The following MID1 variants were observed in gnomAD, a reference collection of about 807,000 sequenced individuals.
MID1 encodes the protein midline 1, also known as E3 ubiquitin-protein ligase Midline-1.
A neutral mutation model predicts 40.4 loss-of-function variants in MID1; 7 were observed. That is an observed-to-expected ratio of 0.17 (90% CI 0.10 to 0.33). The LOEUF (loss-of-function observed/expected upper bound fraction) is 0.33. Ranked by LOEUF, MID1 falls within the 10% of genes least tolerant of loss-of-function variation. MID1 has a pLI of 1.00. For synonymous variants in MID1, 229 were observed against 221.2 expected (o/e 1.04, Z -0.31); for missense variants, 367 against 558.5 (o/e 0.66, Z 3.46).
At chrX:10,583,287 A>G (rs569354084) in intron 1 of MID1, among the ~76,000 whole-genome samples, 184 of 112,656 alleles carry the variant, frequency 1.6e-3, no homozygotes, top group Middle Eastern at 9.2e-3. Context: ...AAGAAATAAA[A>G]AGGATGACAT....
intron 1 of MID1, among the ~76,000 whole-genome samples, chrX:10,595,016 A>G (rs1935385185): frequency 9.0e-6 from 1 of 111,593 alleles, no homozygotes; most frequent in African/African-American, 3.3e-5. Context: ...AAAAATACCT[A>G]CAATATGCCA....
At chrX:10,598,796 C>T (rs1258024158) in intron 1 of MID1, among the ~76,000 whole-genome samples, 2 of 111,914 alleles carry the variant, frequency 1.8e-5, no homozygotes, top group East Asian at 5.7e-4. Context: ...CAGATAAGAG[C>T]TTCGTCTGGC....
chrX:10,646,576 A>C (rs1328922907), intron 1 of MID1, among the ~76,000 whole-genome samples: 2 of 111,442 alleles, frequency 1.8e-5, no homozygotes, highest in Non-Finnish European at 3.8e-5. Context: ...CTCAATACAG[A>C]AGTTTTAAAG....
At chrX:10,556,665 C>T (rs1334075023) in intron 2 of MID1, among the ~76,000 whole-genome samples, 1 of 112,194 alleles carries the variant, frequency 8.9e-6, no homozygotes, top group Non-Finnish European at 1.9e-5. Flanking sequence ...GTGCCAGTCA[C>T]CATGCTCGGC....
intron 1 of MID1, among the ~76,000 whole-genome samples, chrX:10,697,926 C>T (rs943124656): frequency 8.9e-6 from 1 of 112,054 alleles, no homozygotes; most frequent in Non-Finnish European, 1.9e-5. Flanking sequence ...ACTAATGTCC[C>T]CTGGGGGAAA....
intron 1 of MID1, among the ~76,000 whole-genome samples, chrX:10,756,670 T>C (rs2043634734): frequency 9.0e-6 from 1 of 111,137 alleles, no homozygotes; most frequent in African/African-American, 3.3e-5. Context: ...AGAAAGAACA[T>C]GAAAAACAAT....
chrX:10,613,764 G>GAC (rs1935790369), intron 1 of MID1, among the ~76,000 whole-genome samples: 2 of 84,480 alleles, frequency 2.4e-5, no homozygotes, highest in Admixed American at 1.3e-4. Flanking sequence ...GAGAGAGAGA[G>GAC]AGAGACAGAC....
intron 1 of MID1, among the ~76,000 whole-genome samples, chrX:10,684,868 C>A (rs1212194168): frequency 1.8e-5 from 2 of 111,594 alleles, no homozygotes; most frequent in Admixed American, 9.6e-5. Flanking sequence ...CCCAGTAAGA[C>A]CTCTTATGCC....
At chrX:10,825,572 C>T (rs964256650) in intron 1 of MID1, among the ~76,000 whole-genome samples, 2 of 111,856 alleles carry the variant, frequency 1.8e-5, no homozygotes, top group South Asian at 7.5e-4. Context: ...TTTCTAAATC[C>T]TATAGTCCTC....
chrX:10,531,356 T>C (rs1192288186), intron 2 of MID1, among the ~76,000 whole-genome samples: 10 of 112,227 alleles, frequency 8.9e-5, no homozygotes, highest in Non-Finnish European at 1.9e-5. Flanking sequence ...ATACATGTAA[T>C]TTAGGTTGTT....
At chrX:10,739,064 C>G (rs917202659) in intron 1 of MID1, among the ~76,000 whole-genome samples, 47 of 111,327 alleles carry the variant, frequency 4.2e-4, no homozygotes, top group African/African-American at 1.5e-3. Context: ...TTGATTCAAG[C>G]GATATTTTGT....
chrX:10,724,251 A>T (rs2043376014), intron 1 of MID1, among the ~76,000 whole-genome samples: 1 of 110,234 alleles, frequency 9.1e-6, no homozygotes, highest in African/African-American at 3.3e-5. Context: ...TAGAGACGGG[A>T]TTTCACCTTG....
intron 1 of MID1, among the ~76,000 whole-genome samples, chrX:10,715,090 C>G (rs1289369160): frequency 1.8e-5 from 2 of 112,191 alleles, no homozygotes; most frequent in African/African-American, 6.5e-5. Context: ...CAAATAGGAA[C>G]AGCTCCAGTC....
At chrX:10,451,145 G>A (rs1928311214) in intron 9 of MID1, among the ~76,000 whole-genome samples, 3 of 111,103 alleles carry the variant, frequency 2.7e-5, no homozygotes. Context: ...CAGTGTGCAG[G>A]CCTGTCTGTC....
At chrX:10,821,943 G>C (rs1239892015) in intron 1 of MID1, among the ~76,000 whole-genome samples, 1 of 111,269 alleles carries the variant, frequency 9.0e-6, no homozygotes, top group East Asian at 2.8e-4. Context: ...GCTGGAGAAA[G>C]CAGTAGGTTT....
intron 2 of MID1, among the ~76,000 whole-genome samples, chrX:10,533,358 AAG>A (rs1418658241): frequency 3.3e-4 from 27 of 81,954 alleles, no homozygotes; most frequent in African/African-American, 2.8e-4. Context: ...GAAAGAAAGA[AAG>A]AAAGAAAGAA....
Position 10,706,977 on chromosome X carries a change from A to T in MID1, c.-186-86558T>A, listed in dbSNP as rs182429866. On this transcript the variant is annotated intron_variant, in intron 1 of 10. Coordinates refer to the MID1 transcript ENST00000380785. ...ACTCATAATTGGGTCTAACTATAGC[A>T]TTATAATTGTGTAGGTGAGGAAAGC... Among the ~76,000 whole-genome samples, 236 of 112,047 alleles carry T rather than the reference A, an allele frequency of 2.1e-3. 1 individual carries two copies. The highest frequency in any genetic ancestry group is 7.2e-3 in the African/African-American group (223 of 30,912).
chrX:10,620,358 T>C lies in MID1; in HGVS notation c.-125A>G, dbSNP rs1217501448. 2 of 112,269 alleles carry C rather than the reference T, an allele frequency of 1.8e-5. No individual in the cohort carries two copies. Among genetic ancestry groups the C allele is most frequent in the Non-Finnish European group, 3.8e-5 (2 of 53,208 alleles). 9.3% of individuals were successfully genotyped at this position (112,269 alleles called of 1,213,427 possible). A position where few individuals can be genotyped will look rare whatever the true frequency, so the allele number is the denominator to read the frequency against. On this transcript the variant is annotated 5_prime_UTR_variant, in exon 1 of 10. Transcript: ENST00000317552. The stretch of plus-strand genomic sequence containing the variant: ...AGCTGCATCGGAGCCCGCGTCGCAG[T>C]CTTCAGAGCGGAAACACCGAACCCG...
intron 1 of MID1, among the ~76,000 whole-genome samples, chrX:10,784,784 G>C (rs1205961194): frequency 9.0e-6 from 1 of 110,774 alleles, no homozygotes; most frequent in Non-Finnish European, 1.9e-5. Context: ...TTGTCTGATA[G>C]TGCCATTGTG....
Sources: gnomAD v4.1 joint callset for allele counts (sites outside exome capture counted in the v4.1 genomes callset) on GRCh38, gnomAD v4.1.1 for gene constraint, MANE v1.5 for transcripts, NCBI Gene and HGNC (gene_info 2026-07-23, HGNC 2026-07-21) for gene names.